APBA2: variants seen among roughly 807,000 people sequenced by gnomAD.
APBA2 encodes the protein amyloid-beta A4 precursor protein-binding family A member 2.
Under a neutral mutation model 75.0 loss-of-function variants are expected in APBA2, and 30 were observed. That is an observed-to-expected ratio of 0.40 (90% confidence interval 0.30 to 0.54). The LOEUF (loss-of-function observed/expected upper bound fraction) is 0.54, where lower values mean the gene tolerates loss of function less well. Among genes scored for constraint, APBA2 ranks in the 20% least tolerant of loss-of-function variants. The pLI, the probability that APBA2 is intolerant of heterozygous loss-of-function variation, is 0.49. For missense variants in APBA2, 801 were observed against 1,016.1 expected, an observed-to-expected ratio of 0.79 and a Z score of 2.88; for synonymous variants, 444 against 409.6, an observed-to-expected ratio of 1.08 and a Z score of -1.01.
chr15:28,915,060 C>CACACCAT (rs2033605230), intron 1 of APBA2, among the ~76,000 whole-genome samples: 1 of 149,460 alleles, frequency 6.7e-6, no homozygotes, highest in Non-Finnish European at 1.5e-5. Flanking sequence ...ACACACACCA[C>CACACCAT]ACACATACCC....
At chr15:29,055,408 CG>C (rs1034323444) in intron 4 of APBA2, among the ~76,000 whole-genome samples, 3 of 152,088 alleles carry the variant, frequency 2.0e-5, no homozygotes, top group African/African-American at 7.3e-5. Flanking sequence ...GACAAAACCT[CG>C]GGGAAGAAAC....
intron 3 of APBA2, among the ~76,000 whole-genome samples, chr15:29,026,946 A>C (rs1387546696): frequency 6.6e-6 from 1 of 152,088 alleles, no homozygotes. Flanking sequence ...AAAAAAACCA[A>C]ATCCTTATTT....
intron 2 of APBA2, among the ~76,000 whole-genome samples, chr15:28,941,981 G>A (rs527323823): frequency 2.6e-5 from 4 of 152,242 alleles, no homozygotes; most frequent in South Asian, 2.1e-4. Context: ...GGATGGTCTC[G>A]ATCTCCTGAT....
chr15:29,103,846 T>G (rs895029867), intron 10 of APBA2, among the ~76,000 whole-genome samples: 2 of 152,020 alleles, frequency 1.3e-5, no homozygotes, highest in African/African-American at 4.8e-5. Context: ...GGCCCGACCC[T>G]CTCCTGCGCG....
intron 2 of APBA2, among the ~76,000 whole-genome samples, chr15:28,984,163 G>C (rs1419785354): frequency 6.6e-6 from 1 of 152,132 alleles, no homozygotes; most frequent in African/African-American, 2.4e-5. Context: ...CCCTGGAGGG[G>C]CTCACAGTGG....
At chr15:28,947,578 C>G (rs906306513) in intron 2 of APBA2, among the ~76,000 whole-genome samples, 1 of 152,098 alleles carries the variant, frequency 6.6e-6, no homozygotes, top group African/African-American at 2.4e-5. Flanking sequence ...ATCTTTGGAG[C>G]GGCTCCACCA....
chr15:29,012,127 C>A (rs1295168376), intron 3 of APBA2, among the ~76,000 whole-genome samples: 1 of 152,192 alleles, frequency 6.6e-6, no homozygotes, highest in Non-Finnish European at 1.5e-5. Context: ...AGTGCCAATG[C>A]ATTATTATTA....
intron 2 of APBA2, among the ~76,000 whole-genome samples, chr15:28,979,467 C>T (rs2037510654): frequency 6.6e-6 from 1 of 152,230 alleles, no homozygotes; most frequent in Non-Finnish European, 1.5e-5. Flanking sequence ...GGCAGAGCTT[C>T]TAAGACCCTG....
chr15:29,102,053 T>C, intron 10 of APBA2: 1 of 567,468 alleles, frequency 1.8e-6, no homozygotes. Context: ...AAGAAATCCC[T>C]TTACAAAACA....
At chr15:29,115,611 C>T (rs1375996125) in intron 14 of APBA2, among the ~76,000 whole-genome samples, 1 of 152,250 alleles carries the variant, frequency 6.6e-6, no homozygotes, top group Non-Finnish European at 1.5e-5. Flanking sequence ...TTCAGCCCTG[C>T]CGAGGTTATG....
intron 1 of APBA2, among the ~76,000 whole-genome samples, chr15:28,891,465 C>G (rs1456919632): frequency 6.6e-6 from 1 of 152,172 alleles, no homozygotes; most frequent in African/African-American, 2.4e-5. Flanking sequence ...GGCTAATTTT[C>G]AACACGTGCC....
chr15:28,918,680 G>T lies in APBA2; in HGVS notation c.-204-2960G>T, dbSNP rs2033807350. On this transcript the variant is annotated intron_variant, in intron 1 of 14. Coordinates refer to ENST00000683413, the MANE Select transcript of APBA2 (RefSeq NM_001353788.2). The surrounding 1 kb of genome is among the most constrained non-coding windows in gnomAD (Gnocchi z 4.2). ...GCAGCGGGGCCTATGCAGGATCCCG[G>T]TTGGAGGGGGCTGCAGAGGCTACTG... Among the ~76,000 whole-genome samples the T allele has an allele frequency of 6.6e-6, 1 of 152,116 alleles. No individual in the cohort carries two copies. Among genetic ancestry groups the T allele is most frequent in the Non-Finnish European group, 1.5e-5 (1 of 68,018 alleles).
intron 1 of APBA2, among the ~76,000 whole-genome samples, chr15:28,899,246 G>T (rs1256236199): frequency 6.6e-6 from 1 of 152,162 alleles, no homozygotes; most frequent in Non-Finnish European, 1.5e-5. Flanking sequence ...CCCCAGAGGC[G>T]CCCCATCTCC....
At chr15:28,911,167 G>T (rs1240069396) in intron 1 of APBA2, among the ~76,000 whole-genome samples, 2 of 152,112 alleles carry the variant, frequency 1.3e-5, no homozygotes, top group East Asian at 3.9e-4. Context: ...TCTCTTCGTG[G>T]ATTCTGCATC....
At chr15:29,113,359 G>A (rs1418002782) in intron 13 of APBA2, among the ~76,000 whole-genome samples, 1 of 152,056 alleles carries the variant, frequency 6.6e-6, no homozygotes, top group African/African-American at 2.4e-5. Flanking sequence ...GGCGGGGGGG[G>A]GATGTAGGAA....
At chr15:29,060,017 C>T (rs1174823084) in intron 4 of APBA2, among the ~76,000 whole-genome samples, 1 of 152,162 alleles carries the variant, frequency 6.6e-6, no homozygotes, top group Non-Finnish European at 1.5e-5. Context: ...CCAAGCTTTA[C>T]ACCCTGGGGA....
chr15:28,977,092 T>C (rs1331573400), intron 2 of APBA2: 2 of 152,140 alleles, frequency 1.3e-5, no homozygotes, highest in African/African-American at 2.4e-5. Flanking sequence ...ATGTGAGCCT[T>C]AGTTCAGGCT....
rs534180847 is a variant in APBA2, at chr15:28,943,225, G to T, written c.-95+21476G>T. On this transcript the variant is annotated intron_variant, in intron 2 of 14. Transcript: ENST00000683413. ...TGAACATACTAAAGGCTTCTTCCTT[G>T]CCCTGGGACACCGGTTCTGGCCAGG... 6.6e-4 allele frequency among the ~76,000 whole-genome samples: 100 copies of T among 152,276 alleles called. 1 individual carries two copies. Among genetic ancestry groups the T allele is most frequent in the African/African-American group, 2.3e-3 (97 of 41,558 alleles).
chr15:29,113,354 G>GGC (rs1555417051), intron 13 of APBA2, among the ~76,000 whole-genome samples: 1 of 152,120 alleles, frequency 6.6e-6, no homozygotes, highest in African/African-American at 2.4e-5. Flanking sequence ...CACTTGGCGG[G>GGC]GGGGGGATGT....
Sources: gnomAD v4.1 joint callset for allele counts (sites outside exome capture counted in the v4.1 genomes callset) on GRCh38, gnomAD v4.1.1 for gene constraint, Gnocchi (gnomAD v3.1) non-coding constraint, MANE v1.5 for transcripts, NCBI Gene and HGNC (gene_info 2026-07-23, HGNC 2026-07-21) for gene names.